The following SLC22A7 variants were observed in gnomAD, a reference collection of about 807,000 sequenced individuals.
The protein encoded by SLC22A7 is solute carrier family 22 member 7.
SLC22A7 carries 48 observed loss-of-function variants against 62.2 expected under a neutral mutation model. The observed-to-expected ratio is 0.77, with a 90% CI of 0.61 to 0.98. The LOEUF (loss-of-function observed/expected upper bound fraction) is 0.98, where lower values mean the gene tolerates loss of function less well. Among genes scored for constraint, SLC22A7 ranks in the 50% least tolerant of loss-of-function variants. SLC22A7 has a pLI of 0.00. For synonymous variants in SLC22A7, 276 were observed against 314.8 expected (o/e 0.88, Z 1.30); for missense variants, 581 against 703.8 (o/e 0.83, Z 1.97).
upstream of SLC22A7, among the ~76,000 whole-genome samples, chr6:43,296,523 A>G (rs1231698184): frequency 6.6e-6 from 1 of 152,242 alleles, no homozygotes. Flanking sequence ...ATAGTATTAA[A>G]TGAGGGAGGA....
In SLC22A7 at chr6:43,301,512, G is replaced by A. The variant is rs759513520; in HGVS notation, c.952-71G>A. On this transcript the variant is annotated intron_variant, in intron 6 of 10. Coordinates refer to ENST00000372585, the MANE Select transcript of SLC22A7 (RefSeq NM_153320.2). ...ATGGGAGGAATAGAGAGGGGTGGGG[G>A]GAGAGTACTGTGTCCCATTGAGATC... 30 of 1,238,490 alleles carry A rather than the reference G, an allele frequency of 2.4e-5. No individual in the cohort carries two copies. In the Admixed American group the frequency reaches 3.9e-4, roughly 16 times the overall value. 76.7% of individuals were successfully genotyped at this position (1,238,490 alleles called of 1,614,324 possible).
At chr6:43,300,147 G>C in intron 5 of SLC22A7, 81 bp downstream of exon 5, 1 of 1,385,618 alleles carries the variant, frequency 7.2e-7, no homozygotes, top group Non-Finnish European at 9.9e-7. Flanking sequence ...TTTGAGGATA[G>C]AGAGATTGAG....
chr6:43,301,575 C>T lies in SLC22A7; in HGVS notation c.952-8C>T, dbSNP rs1024486353. ...CTGATGTTACAACCTCACCTCCTTC[C>T]CTACCAGGCTGTGAGCAAAGTGGCC... On this transcript the variant is annotated splice_region_variant and splice_polypyrimidine_tract_variant and intron_variant, in intron 6 of 10. Coordinates refer to ENST00000372585, the MANE Select transcript of SLC22A7 (RefSeq NM_153320.2). 2 of 1,609,758 alleles carry T rather than the reference C, an allele frequency of 1.2e-6. No individual in the cohort carries two copies. Among genetic ancestry groups the T allele is most frequent in the Non-Finnish European group, 1.7e-6 (2 of 1,176,044 alleles).
chr6:43,301,412 T>C, intron 6 of SLC22A7, 154 bp downstream of exon 6: 3 of 1,181,612 alleles, frequency 2.5e-6, no homozygotes, highest in African/African-American at 1.5e-5. Context: ...CCTACCTGGC[T>C]CCAGTGGGCC....
chr6:43,298,508 C>T lies in SLC22A7; in HGVS notation c.150C>T (p.Ala50=), dbSNP rs1458084066. 6.8e-6 allele frequency: 11 copies of T among 1,613,478 alleles called. 1 individual carries two copies. Among genetic ancestry groups the T allele is most frequent in the Non-Finnish European group, 8.5e-6 (10 of 1,180,044 alleles). The part of the protein sequence containing the change: ...FLAAVPAHRC[A]LPGAPANFSH... Reference sequence around the variant, plus strand: ...CTGCCGTGCCTGCCCACCGATGTGCCCTGCCGGGTGCCCCTGCCAACTTCA... The same window carrying T: ...CTGCCGTGCCTGCCCACCGATGTGCTCTGCCGGGTGCCCCTGCCAACTTCA... Residue 50 remains alanine, a synonymous_variant, in exon 1 of 11, where the codon GCC becomes GCT. Transcript: ENST00000372585.
In SLC22A7 at chr6:43,299,764, T is replaced by C; in HGVS notation, c.641T>C (p.Ile214Thr). The change falls in exon 4 of 11, where the codon ATC becomes ACC. Residue 214 changes from isoleucine (I) to threonine (T), a missense_variant. By Grantham distance (89) the Ile-to-Thr change is moderately conservative (BLOSUM62 -1). Transcript: ENST00000372585. The surrounding 1 kb of genome is among the most constrained non-coding windows in gnomAD (Gnocchi z 4.4). ...GGCTCAGCCCTGGCTGGTTTTACCA[T>C]CATCGTGATGCCACTGGGTGAGGCA... The part of the protein sequence containing the change: ...LTGSALAGFT[I>T]IVMPLELEWL... The C allele has an allele frequency of 6.2e-7, 1 of 1,614,188 alleles. No individual in the cohort carries two copies. The highest frequency in any genetic ancestry group is 8.5e-7 in the Non-Finnish European group (1 of 1,180,032).
In SLC22A7 at chr6:43,299,970, T is replaced by G. The variant is rs1356990265; in HGVS notation, c.731T>G (p.Val244Gly). ...AGCAGCACCTTCTGGACAGGGGGCG[T>G]GATGCTGCTGGCACTGGTTGGGTAC... ...VLSSTFWTGGVMLLALVGYLI... is the reference protein window; with the variant it reads ...VLSSTFWTGGGMLLALVGYLI... The change falls in exon 5 of 11, where the codon GTG becomes GGG. Residue 244 changes from valine to glycine, a missense_variant. Transcript: ENST00000372585. The surrounding 1 kb of genome is among the most constrained non-coding windows in gnomAD (Gnocchi z 4.4). 24 of 1,613,868 alleles carry G rather than the reference T, an allele frequency of 1.5e-5. No individual in the cohort carries two copies. The Admixed American group carries it at 2.8e-4, about 19-fold the overall frequency.
rs1778806035 is a variant in SLC22A7 at position 43,302,913 on chromosome 6, C to A, written c.1385+150C>A. 2 of 673,518 alleles carry A rather than the reference C, an allele frequency of 3.0e-6. No individual in the cohort carries two copies. The highest frequency in any genetic ancestry group is 3.6e-5 in the African/African-American group (2 of 54,976). The allele number at this position is 673,518 out of a possible 1,614,324, so 41.7% of individuals were successfully genotyped here. A position where few individuals can be genotyped will look rare whatever the true frequency, so the allele number is the denominator to read the frequency against. On this transcript the variant is annotated intron_variant, in intron 9 of 10. Transcript: ENST00000372585. This position sits in a 1 kb window ranked among gnomAD's most constrained non-coding sequence, Gnocchi z 5.0. ...GTAGAGACGGGGTCTTGCTATATTA[C>A]CCAGACTGGTCTCAAACTCCTGGTC...
intron 10 of SLC22A7, 119 bp downstream of exon 10, chr6:43,304,363 G>A (rs1778867230): frequency 2.2e-6 from 2 of 914,212 alleles, no homozygotes; most frequent in East Asian, 2.8e-5. Flanking sequence ...TGTACTTGGT[G>A]CATGTATGTG....
At chr6:43,303,327 G>T in intron 9 of SLC22A7, 1 of 186,708 alleles carries the variant, frequency 5.4e-6, no homozygotes, top group Non-Finnish European at 1.0e-5. Context: ...GGGTGTGGTG[G>T]CGAATGCCTG....
chr6:43,299,261 T>G lies in SLC22A7; in HGVS notation c.400-129T>G. 1 of 1,605,164 alleles carries G rather than the reference T, an allele frequency of 6.2e-7. No homozygotes were observed. Among genetic ancestry groups the G allele is most frequent in the Non-Finnish European group, 8.5e-7 (1 of 1,175,298 alleles). On this transcript the variant is annotated intron_variant, in intron 2 of 10. Transcript: ENST00000372585. The surrounding 1 kb of genome is among the most constrained non-coding windows in gnomAD (Gnocchi z 4.4). ...TGGCGTGAATCGTTGGGAGGTTTATTATCTGGCATGGAGGTACCAGAATGG... is the reference window on the plus strand; with the variant it reads ...TGGCGTGAATCGTTGGGAGGTTTATGATCTGGCATGGAGGTACCAGAATGG...
In SLC22A7 at chr6:43,299,418, T is replaced by C; in HGVS notation, c.428T>C (p.Leu143Pro). 4 of 1,614,202 alleles carry C rather than the reference T, an allele frequency of 2.5e-6. No individual in the cohort carries two copies. Among genetic ancestry groups the C allele is most frequent in the Non-Finnish European group, 3.4e-6 (4 of 1,180,028 alleles). Residue 143 changes from leucine (L) to proline (P), a missense_variant, in exon 3 of 11, where the codon CTG becomes CCG. Leu to Pro is a moderately conservative substitution (Grantham distance 98). Transcript: ENST00000372585. The surrounding 1 kb of genome is among the most constrained non-coding windows in gnomAD (Gnocchi z 4.4). ...GATCTGGTGTGTGAGCAGAAAGGTC[T>C]GAACAGAGCTGCGTCCACTTTCTTC... is the stretch of plus-strand genomic sequence containing the variant. ...QWDLVCEQKG[L>P]NRAASTFFFA...
Position 43,301,240 on chromosome 6 carries a change from G to C in SLC22A7, c.933G>C (p.Glu311Asp), listed in dbSNP as rs760903938. Reference sequence around the variant, plus strand: ...GGCTCAATGGGCGGCCAGTGTGTGAGGACAGCTTCAGCCAGGAGGTGAGGG... The same window carrying C: ...GGCTCAATGGGCGGCCAGTGTGTGACGACAGCTTCAGCCAGGAGGTGAGGG... Reference protein sequence around the residue: ...CARLNGRPVCEDSFSQEAVSK... With the variant: ...CARLNGRPVCDDSFSQEAVSK... Residue 311 changes from glutamate to aspartate, a missense_variant, in exon 6 of 11, where the codon GAG becomes GAC. Physicochemically the swap from Glu to Asp is conservative, Grantham distance 45. Transcript: ENST00000372585. 5 of 1,614,066 alleles carry C rather than the reference G, an allele frequency of 3.1e-6. No homozygotes were observed. The highest frequency in any genetic ancestry group is 4.2e-6 in the Non-Finnish European group (5 of 1,180,036).
Position 43,299,182 on chromosome 6 carries a change from G to C in SLC22A7, c.399+85G>C, listed in dbSNP as rs748701573. 6.2e-6 allele frequency: 10 copies of C among 1,614,010 alleles called. 1 individual carries two copies. The South Asian group carries it at 1.1e-4, about 18-fold the overall frequency. Reference sequence around the variant, plus strand: ...GGCAGCAGGTCGAGGCCTTCCTTGGGAAGAAGCTGAGGCTGCAGGACTGGG... The same window carrying C: ...GGCAGCAGGTCGAGGCCTTCCTTGGCAAGAAGCTGAGGCTGCAGGACTGGG... On this transcript the variant is annotated intron_variant, in intron 2 of 10. Transcript: ENST00000372585. This position sits in a 1 kb window ranked among gnomAD's most constrained non-coding sequence, Gnocchi z 4.4.
At chr6:43,301,035 C>T (rs1778723398) in intron 5 of SLC22A7, 100 bp from the exon 6 acceptor site, 5 of 1,479,532 alleles carry the variant, frequency 3.4e-6, no homozygotes, top group Admixed American at 1.8e-5. Flanking sequence ...AAGGGGACTA[C>T]ATGAGCAAGA....
Position 43,301,623 on chromosome 6 carries a change from G to T in SLC22A7, c.992G>T (p.Arg331Ile). Residue 331 changes from arginine (R) to isoleucine (I), a missense_variant, in exon 7 of 11, where the codon AGA becomes ATA. Transcript: ENST00000372585. ...KVAAGERVVR[R>I]PSYLDLFRTP... ...GCCGCCGGGGAACGGGTGGTCCGAA[G>T]ACCTTCATACCTAGACCTGTTCCGC... 6.2e-7 allele frequency: 1 copy of T among 1,614,178 alleles called. No individual in the cohort carries two copies. Among genetic ancestry groups the T allele is most frequent in the Non-Finnish European group, 8.5e-7 (1 of 1,180,038 alleles).
rs1286444763 is a variant in SLC22A7 at position 43,298,414 on chromosome 6, G to A, written c.56G>A (p.Arg19Gln). The A allele has an allele frequency of 2.5e-5, 41 of 1,613,930 alleles. No homozygotes were observed. The highest frequency in any genetic ancestry group is 4.5e-5 in the East Asian group (2 of 44,896). ...GGCGGCTTTGGGCCCTTCCAACTGCGGAATGTGGCACTGCTGGCCCTGCCC... is the reference window on the plus strand; with the variant it reads ...GGCGGCTTTGGGCCCTTCCAACTGCAGAATGTGGCACTGCTGGCCCTGCCC... Reference protein sequence around the residue: ...QVGGFGPFQLRNVALLALPRV... With the variant: ...QVGGFGPFQLQNVALLALPRV... Residue 19 changes from arginine to glutamine, a missense_variant, in exon 1 of 11, where the codon CGG becomes CAG. Transcript: ENST00000372585.
Position 43,301,117 on chromosome 6 carries a change from C to A in SLC22A7, c.828-18C>A, listed in dbSNP as rs762119494. On this transcript the variant is annotated intron_variant, in intron 5 of 10. Transcript: ENST00000372585. Reference sequence around the variant, plus strand: ...GGGTCATGACTTTCTGGCTGATGGACCTTCTGCCTATTCCTAGGTGGGTGC... The same window carrying A: ...GGGTCATGACTTTCTGGCTGATGGAACTTCTGCCTATTCCTAGGTGGGTGC... 2.5e-6 allele frequency: 4 copies of A among 1,614,068 alleles called. No individual in the cohort carries two copies. The highest frequency in any genetic ancestry group is 3.3e-5 in the Admixed American group (2 of 60,028).
In SLC22A7 at chr6:43,299,897, G is replaced by C. The variant is rs1016373762; in HGVS notation, c.659-1G>C. The C allele has an allele frequency of 6.2e-7, 1 of 1,614,204 alleles. No individual in the cohort carries two copies. Among genetic ancestry groups the C allele is most frequent in the Non-Finnish European group, 8.5e-7 (1 of 1,180,042 alleles). On this transcript the variant is annotated splice_acceptor_variant, in intron 4 of 10. Transcript: ENST00000372585. LOFTEE classifies it high-confidence loss of function. This position sits in a 1 kb window ranked among gnomAD's most constrained non-coding sequence, Gnocchi z 4.4. ...TCTTCCTGTCTCCTGTCCTGGCCCA[G>C]AGCTGGAGTGGCTGGATGTGGAGCA...
Sources: allele counts gnomAD v4.1 joint callset (sites outside exome capture counted in the v4.1 genomes callset), GRCh38; gene constraint gnomAD v4.1.1; non-coding constraint Gnocchi (gnomAD v3.1); transcripts MANE v1.5; gene names NCBI Gene and HGNC (gene_info 2026-07-23, HGNC 2026-07-21).